The following ADCY8 variants were observed in gnomAD, a reference collection of about 807,000 sequenced individuals.
ADCY8 encodes adenylate cyclase 8.
In ADCY8, 51 loss-of-function variants were observed where a neutral mutation model predicts 119.7. The ratio of observed to expected loss-of-function variants is 0.43; its 90% CI spans 0.34 to 0.54. The LOEUF is 0.54. Ranked by LOEUF, ADCY8 falls within the 20% of genes least tolerant of loss-of-function variation. The probability of loss-of-function intolerance (pLI) is 0.03; values close to 1 mark genes in which losing one functional copy is unlikely to be tolerated. For synonymous variants in ADCY8, 665 were observed against 651.0 expected, an observed-to-expected ratio of 1.02 and a Z score of -0.33; for missense variants, 1,383 against 1,598.8, an observed-to-expected ratio of 0.87 and a Z score of 2.30.
At chr8:130,936,992 A>G in intron 5 of ADCY8, 81 bp downstream of exon 5, 1 of 1,467,472 alleles carries the variant, frequency 6.8e-7, no homozygotes, top group South Asian at 1.5e-5. Flanking sequence ...CATACATATG[A>G]TTTACCACAA....
intron 7 of ADCY8, among the ~76,000 whole-genome samples, chr8:130,887,042 G>T (rs1166962603): frequency 6.6e-6 from 1 of 151,454 alleles, no homozygotes; most frequent in Admixed American, 6.6e-5. Flanking sequence ...CCTTTACATT[G>T]AATACATTTA....
intron 6 of ADCY8, 82 bp from the exon 7 acceptor site, chr8:130,904,124 C>T (rs1340346997): frequency 5.1e-6 from 7 of 1,375,886 alleles, no homozygotes; most frequent in Non-Finnish European, 4.9e-6. Flanking sequence ...ACAAAACCAA[C>T]ACCAGGGTTA....
intron 8 of ADCY8, among the ~76,000 whole-genome samples, chr8:130,883,720 A>G (rs1818868202): frequency 6.6e-6 from 1 of 152,134 alleles, no homozygotes; most frequent in Admixed American, 6.6e-5. Context: ...TCAGTCAAGG[A>G]AGGTCTGTCA....
chr8:130,906,890 G>C (rs983306238), intron 6 of ADCY8, among the ~76,000 whole-genome samples: 22 of 151,656 alleles, frequency 1.5e-4, no homozygotes, highest in African/African-American at 4.8e-4. Context: ...TTAGGTATTA[G>C]ACATTTCTTT....
At chr8:130,953,656 T>C (rs1821340925) in intron 2 of ADCY8, among the ~76,000 whole-genome samples, 1 of 152,202 alleles carries the variant, frequency 6.6e-6, no homozygotes, top group Non-Finnish European at 1.5e-5. Context: ...TGTGCCTTAG[T>C]TCCCTAATTT....
At chr8:130,914,691 C>G (rs1820075993) in intron 5 of ADCY8, among the ~76,000 whole-genome samples, 2 of 152,092 alleles carry the variant, frequency 1.3e-5, no homozygotes, top group African/African-American at 4.8e-5. Flanking sequence ...GACAATTCTA[C>G]TCCTAGCGAC....
intron 12 of ADCY8, among the ~76,000 whole-genome samples, chr8:130,827,249 A>C (rs1586455201): frequency 6.6e-6 from 1 of 152,152 alleles, no homozygotes; most frequent in African/African-American, 2.4e-5. Flanking sequence ...CTTTCTAACA[A>C]GGGCAGCCTG....
chr8:130,955,898 A>G (rs763749044), intron 2 of ADCY8, among the ~76,000 whole-genome samples: 1 of 152,182 alleles, frequency 6.6e-6, no homozygotes, highest in Non-Finnish European at 1.5e-5. Flanking sequence ...TAATCCCAGC[A>G]CTTTGGGAGA....
At chr8:130,785,180 C>T (rs1292764147) in intron 16 of ADCY8, among the ~76,000 whole-genome samples, 1 of 152,198 alleles carries the variant, frequency 6.6e-6, no homozygotes, top group Non-Finnish European at 1.5e-5. Context: ...AGAAGTTTCT[C>T]AAAAAAGCAG....
At chr8:130,961,548 A>T (rs1428723473) in intron 2 of ADCY8, among the ~76,000 whole-genome samples, 1 of 152,036 alleles carries the variant, frequency 6.6e-6, no homozygotes, top group African/African-American at 2.4e-5. Flanking sequence ...AAAGTTGCTT[A>T]ATGTTCTTTC....
chr8:130,847,595 C>T, intron 10 of ADCY8, 82 bp from the exon 11 acceptor site: 1 of 1,191,280 alleles, frequency 8.4e-7, no homozygotes, highest in Non-Finnish European at 1.2e-6. Context: ...GGAAATGGAG[C>T]AGTGTGCTAT....
intron 7 of ADCY8, among the ~76,000 whole-genome samples, chr8:130,897,660 T>C (rs1819440154): frequency 7.2e-6 from 1 of 138,052 alleles, no homozygotes; most frequent in African/African-American, 2.6e-5. Flanking sequence ...GACCCACATA[T>C]ATGAGAGGGT....
chr8:131,012,544 G>A (rs1334330397), intron 1 of ADCY8, among the ~76,000 whole-genome samples: 4 of 152,204 alleles, frequency 2.6e-5, no homozygotes, highest in African/African-American at 9.6e-5. Flanking sequence ...GTGCACCGTG[G>A]TGGATCCTGT....
chr8:130,838,163 G>A (rs929272180), intron 11 of ADCY8, among the ~76,000 whole-genome samples: 5 of 152,148 alleles, frequency 3.3e-5, no homozygotes, highest in African/African-American at 9.7e-5. Flanking sequence ...TTCAACAAAT[G>A]TTGACATTGA....
At chr8:130,803,588 T>C (rs4736688) in intron 14 of ADCY8, among the ~76,000 whole-genome samples, 63,271 of 152,150 alleles carry the variant, frequency 0.42, 13,639 homozygotes, top group African/African-American at 0.51. Context: ...TGAAACCTTA[T>C]AAATTGCTTT....
At chr8:130,791,786 G>A (rs1417889132) in intron 15 of ADCY8, among the ~76,000 whole-genome samples, 1 of 152,192 alleles carries the variant, frequency 6.6e-6, no homozygotes, top group Non-Finnish European at 1.5e-5. Context: ...AGCCCCACAG[G>A]TGTTTACAGG....
intron 2 of ADCY8, among the ~76,000 whole-genome samples, chr8:130,965,732 C>T (rs978877756): frequency 6.6e-6 from 1 of 151,998 alleles, no homozygotes; most frequent in Non-Finnish European, 1.5e-5. Context: ...TTAAAAATGG[C>T]TCAGCATTAT....
intron 2 of ADCY8, among the ~76,000 whole-genome samples, chr8:130,978,914 G>A (rs1288186578): frequency 4.6e-5 from 7 of 152,140 alleles, no homozygotes; most frequent in African/African-American, 1.7e-4. Context: ...GGATTTTAAT[G>A]CCTTTGCTGA....
chr8:130,794,879 G>A (rs144624684), intron 15 of ADCY8, among the ~76,000 whole-genome samples: 1 of 152,328 alleles, frequency 6.6e-6, no homozygotes, highest in African/African-American at 2.4e-5. Flanking sequence ...GACATAGAGT[G>A]AGAAAATGGC....
Sources: allele counts gnomAD v4.1 joint callset (sites outside exome capture counted in the v4.1 genomes callset), GRCh38; gene constraint gnomAD v4.1.1; transcripts MANE v1.5; gene names NCBI Gene and HGNC (gene_info 2026-07-23, HGNC 2026-07-21).